ITGB5: variants seen among roughly 807,000 people sequenced by gnomAD.
The protein encoded by ITGB5 is integrin subunit beta 5.
A neutral mutation model predicts 84.8 loss-of-function variants in ITGB5; 38 were observed. That is an observed-to-expected ratio of 0.45 (90% CI 0.35 to 0.59). The LOEUF is 0.59. Ranked by LOEUF, ITGB5 falls within the 20% of genes least tolerant of loss-of-function variation. ITGB5 has a pLI of 0.01. For missense variants in ITGB5, 905 were observed against 1,034.5 expected (o/e 0.87, Z 1.72); for synonymous variants, 393 against 414.4 (o/e 0.95, Z 0.63).
intron 1 of ITGB5, among the ~76,000 whole-genome samples, chr3:124,898,270 G>A (rs1935147200): frequency 6.6e-6 from 1 of 150,410 alleles, no homozygotes; most frequent in African/African-American, 2.5e-5. Flanking sequence ...AAAATGATTA[G>A]TTAAAAATGA....
chr3:124,897,548 G>T (rs573544419), intron 1 of ITGB5, among the ~76,000 whole-genome samples: 1 of 152,306 alleles, frequency 6.6e-6, no homozygotes, highest in East Asian at 1.9e-4. Context: ...TTGGCTAGGC[G>T]TAGTGGCTCA....
At chr3:124,874,306 G>GAAAAAAAAAAAAA (rs59287818) in intron 1 of ITGB5, among the ~76,000 whole-genome samples, 21 of 113,326 alleles carry the variant, frequency 1.9e-4, no homozygotes, top group Non-Finnish European at 2.1e-4. Context: ...TCAAAAGCCG[G>GAAAAAAAAAAAAA]AAAAAAAAAA....
At chr3:124,782,574 T>A (rs922458584) in intron 10 of ITGB5, among the ~76,000 whole-genome samples, 2 of 152,156 alleles carry the variant, frequency 1.3e-5, no homozygotes, top group South Asian at 2.1e-4. Flanking sequence ...GATGTGGTTG[T>A]GGGCTGGGCA....
In ITGB5 at chr3:124,815,216, G is replaced by A. The variant is rs946495645; in HGVS notation, c.1128+2405C>T. On this transcript the variant is annotated intron_variant, in intron 8 of 14. Coordinates refer to ENST00000296181, the MANE Select transcript of ITGB5 (RefSeq NM_002213.5). ...CGCAGAACCCACCAGTCACATAGAA[G>A]CTGGCTGACCAGTGTGCCTTCCCTG... Among the ~76,000 whole-genome samples, 29 of 152,242 alleles carry A rather than the reference G, an allele frequency of 1.9e-4. 1 individual carries two copies. Among genetic ancestry groups the A allele is most frequent in the Non-Finnish European group, 2.9e-5 (2 of 68,048 alleles).
At chr3:124,892,527 T>TAAAA (rs34284622), upstream of ITGB5, among the ~76,000 whole-genome samples, 2 of 106,246 alleles carry the variant, frequency 1.9e-5, no homozygotes, top group African/African-American at 3.7e-5. Flanking sequence ...CCATCTCTAT[T>TAAAA]AAAAAAAAAA....
chr3:124,779,934 C>T (rs913672689), intron 10 of ITGB5, among the ~76,000 whole-genome samples: 4 of 152,260 alleles, frequency 2.6e-5, no homozygotes, highest in African/African-American at 4.8e-5. Context: ...CATGCCCAGT[C>T]GGAAGCAAGA....
intron 10 of ITGB5, chr3:124,791,329 C>A (rs564496856): frequency 6.6e-6 from 1 of 152,264 alleles, no homozygotes; most frequent in South Asian, 2.1e-4. Flanking sequence ...CACAAGAGCC[C>A]CAAGCTCACA....
At position 124,768,554 on chromosome 3, in the gene ITGB5, G is replaced by A. The variant is rs149217526; in HGVS notation, c.2017+459C>T. On this transcript the variant is annotated intron_variant, in intron 12 of 14. Transcript: ENST00000296181. ...CACTGTGGTCAGGCCTCACCGTGCCGTAGCGTGTTTCAGTGCTTCACACCT... is the reference window on the plus strand; with the variant it reads ...CACTGTGGTCAGGCCTCACCGTGCCATAGCGTGTTTCAGTGCTTCACACCT... 3.2e-4 allele frequency among the ~76,000 whole-genome samples: 48 copies of A among 152,334 alleles called. 1 individual carries two copies. The East Asian group carries it at 8.3e-3, about 26-fold the overall frequency.
At chr3:124,878,970 T>G (rs1934454070) in intron 1 of ITGB5, among the ~76,000 whole-genome samples, 1 of 152,164 alleles carries the variant, frequency 6.6e-6, no homozygotes, top group African/African-American at 2.4e-5. Flanking sequence ...TCCATGTATC[T>G]CTTTTGCCTC....
At chr3:124,788,027 C>A (rs1018424722) in intron 10 of ITGB5, among the ~76,000 whole-genome samples, 8 of 151,698 alleles carry the variant, frequency 5.3e-5, no homozygotes, top group Admixed American at 5.3e-4. Flanking sequence ...CCTACCTCAG[C>A]CTCCCAAGTA....
chr3:124,893,638 G>A (rs1212190580), intron 1 of ITGB5, among the ~76,000 whole-genome samples: 1 of 152,128 alleles, frequency 6.6e-6, no homozygotes, highest in Non-Finnish European at 1.5e-5. Flanking sequence ...AGACAAGCAG[G>A]TGACAAGTCC....
intron 5 of ITGB5, among the ~76,000 whole-genome samples, chr3:124,833,312 A>AT (rs1214326643): frequency 8.5e-5 from 13 of 152,218 alleles, no homozygotes; most frequent in Admixed American, 8.5e-4. Flanking sequence ...AACCATATGA[A>AT]TTTTCCATTT....
rs141196770 is a variant in ITGB5, at chr3:124,796,776, G to T, written c.1305C>A (p.Ser435Arg). The T allele has an allele frequency of 3.7e-6, 6 of 1,612,582 alleles. No individual in the cohort carries two copies. The highest frequency in any genetic ancestry group is 1.7e-4 in the Middle Eastern group (1 of 6,030). ...EVSLEARSCPSRHTEHVFALR... is the reference protein window; with the variant it reads ...EVSLEARSCPRRHTEHVFALR... Reference sequence around the variant, plus strand: ...GGGCAAACACATGCTCCGTGTGTCTGCTGGGACAGCTTCGGGCCTCCAATG... The same window carrying T: ...GGGCAAACACATGCTCCGTGTGTCTTCTGGGACAGCTTCGGGCCTCCAATG... Residue 435 changes from serine to arginine, a missense_variant, in exon 10 of 15, where the codon AGC (serine) becomes AGA (arginine). Transcript: ENST00000296181.
intron 10 of ITGB5, among the ~76,000 whole-genome samples, chr3:124,796,047 C>T (rs2064217654): frequency 6.6e-6 from 1 of 152,178 alleles, no homozygotes; most frequent in Non-Finnish European, 1.5e-5. Context: ...CCAGTGAGTT[C>T]CCCGTCCCAG....
chr3:124,794,366 C>A (rs1049833869), intron 10 of ITGB5, among the ~76,000 whole-genome samples: 1 of 152,152 alleles, frequency 6.6e-6, no homozygotes, highest in African/African-American at 2.4e-5. Flanking sequence ...CAACACAACA[C>A]ACTAAAAAAG....
chr3:124,794,065 T>C (rs2150963812), intron 10 of ITGB5, among the ~76,000 whole-genome samples: 1 of 152,342 alleles, frequency 6.6e-6, no homozygotes, highest in South Asian at 2.1e-4. Flanking sequence ...TTGTGCTTTC[T>C]TTCCCAGCTG....
At chr3:124,843,416 T>A (rs1046522314) in intron 4 of ITGB5, among the ~76,000 whole-genome samples, 1 of 152,186 alleles carries the variant, frequency 6.6e-6, no homozygotes, top group Non-Finnish European at 1.5e-5. Flanking sequence ...TGAATAATGA[T>A]TGCTGTTTAA....
In ITGB5 at chr3:124,847,672, T is replaced by C. The variant is rs113120866; in HGVS notation, c.611+637A>G. 2.0e-3 allele frequency among the ~76,000 whole-genome samples: 300 copies of C among 152,306 alleles called. 1 individual carries two copies. Among genetic ancestry groups the C allele is most frequent in the Non-Finnish European group, 3.5e-3 (237 of 68,026 alleles). On this transcript the variant is annotated intron_variant, in intron 4 of 14. Transcript: ENST00000296181. ...GTCACTGCTTGCAGGAGAAGTTCCA[T>C]GGATGAAGAGACCCAGTTGGACTTG... is the stretch of plus-strand genomic sequence containing the variant.
chr3:124,811,183 C>T lies in ITGB5; in HGVS notation c.1129-2027G>A, dbSNP rs575197199. 9.9e-5 allele frequency among the ~76,000 whole-genome samples: 15 copies of T among 152,264 alleles called. No individual in the cohort carries two copies. The South Asian group carries it at 3.1e-3, about 32-fold the overall frequency. ...CAATACACAGAGCACTCTCCTGCTG[C>T]CTGTGATTAGCTATTTGCAGATCTG... is the stretch of plus-strand genomic sequence containing the variant. On this transcript the variant is annotated intron_variant, in intron 8 of 14. Transcript: ENST00000296181.
Sources: gnomAD v4.1 joint callset for allele counts (sites outside exome capture counted in the v4.1 genomes callset) on GRCh38, gnomAD v4.1.1 for gene constraint, MANE v1.5 for transcripts, NCBI Gene and HGNC (gene_info 2026-07-23, HGNC 2026-07-21) for gene names.